Variants in IL1RAPL1 observed in about 807,000 individuals in gnomAD.
The protein encoded by IL1RAPL1 is interleukin-1 receptor accessory protein-like 1.
IL1RAPL1 carries 3 observed loss-of-function variants against 48.4 expected under a neutral mutation model. The ratio of observed to expected loss-of-function variants is 0.06; its 90% CI spans 0.03 to 0.16. The LOEUF (loss-of-function observed/expected upper bound fraction) is 0.16, where lower values mean the gene tolerates loss of function less well. Ranked by LOEUF, IL1RAPL1 falls within the 10% of genes least tolerant of loss-of-function variation. IL1RAPL1 has a pLI of 1.00. For missense variants in IL1RAPL1, 349 were observed against 530.6 expected, an observed-to-expected ratio of 0.66 and a Z score of 3.36; for synonymous variants, 185 against 187.7, an observed-to-expected ratio of 0.99 and a Z score of 0.12.
chrX:28,907,254 A>T (rs1923242242), intron 2 of IL1RAPL1, among the ~76,000 whole-genome samples: 1 of 110,826 alleles, frequency 9.0e-6, no homozygotes, highest in South Asian at 3.8e-4. Context: ...TATTATTTTT[A>T]TTTTTATTAG....
chrX:28,854,628 A>C (rs761186549), intron 2 of IL1RAPL1, among the ~76,000 whole-genome samples: 1 of 111,512 alleles, frequency 9.0e-6, no homozygotes, highest in East Asian at 2.8e-4. Flanking sequence ...CACACCAGTA[A>C]TGTGTGGAGT....
chrX:29,312,044 CAG>C (rs994268027), intron 3 of IL1RAPL1, among the ~76,000 whole-genome samples: 3 of 111,770 alleles, frequency 2.7e-5, no homozygotes, highest in Non-Finnish European at 5.6e-5. Flanking sequence ...CTAAGAAACA[CAG>C]AGGACTGTGG....
Position 29,032,743 on chromosome X carries a change from GCACA to G in IL1RAPL1, c.82+243343_82+243346del, listed in dbSNP as rs34159057. Reference sequence around the variant, plus strand: ...CATGAGCGTGCGCTCACGTGGGCATGCACACACACACACACACACACACACACAT... The same window carrying G: ...CATGAGCGTGCGCTCACGTGGGCATGCACACACACACACACACACACACAT... On this transcript the variant is annotated intron_variant, in intron 2 of 10. Transcript: ENST00000378993. 3.6e-3 allele frequency among the ~76,000 whole-genome samples: 380 copies of G among 105,301 alleles called. 1 individual carries two copies. Among genetic ancestry groups the G allele is most frequent in the Middle Eastern group, 9.6e-3 (2 of 208 alleles). The allele number at this position is 105,301 out of a possible 115,157, so 91.4% of individuals were successfully genotyped here.
rs192664194 is a variant in IL1RAPL1 at position 28,927,544 on chromosome X, G to C, written c.82+138119G>C. Among the ~76,000 whole-genome samples, 488 of 110,110 alleles carry C rather than the reference G, an allele frequency of 4.4e-3. 1 individual carries two copies. The highest frequency in any genetic ancestry group is 0.015 in the African/African-American group (466 of 30,346). On this transcript the variant is annotated intron_variant, in intron 2 of 10. Coordinates refer to ENST00000378993, the MANE Select transcript of IL1RAPL1 (RefSeq NM_014271.4). ...ACTTTTTATTGCAATTATTTACCTC[G>C]TATTCTCTTTTCAAATTAGTTCATC...
In IL1RAPL1 at chrX:28,940,279, T is replaced by C. The variant is rs186520880; in HGVS notation, c.82+150854T>C. Reference sequence around the variant, plus strand: ...AGGTAAAATGAGAAACAGTAAATTATTGTGAAGTTTAGTAATAAGAGCAAA... The same window carrying C: ...AGGTAAAATGAGAAACAGTAAATTACTGTGAAGTTTAGTAATAAGAGCAAA... On this transcript the variant is annotated intron_variant, in intron 2 of 10. Coordinates refer to ENST00000378993, the MANE Select transcript of IL1RAPL1 (RefSeq NM_014271.4). Among the ~76,000 whole-genome samples, 361 of 111,187 alleles carry C rather than the reference T, an allele frequency of 3.2e-3. 3 individuals are homozygous for C. The highest frequency in any genetic ancestry group is 0.011 in the African/African-American group (339 of 30,793).
intron 2 of IL1RAPL1, among the ~76,000 whole-genome samples, chrX:28,991,133 G>A (rs5943584): frequency 0.35 from 38,473 of 110,470 alleles, 4,891 homozygotes; most frequent in Admixed American, 0.44. Context: ...AATTTGTTAT[G>A]GAGTCTTTTA....
intron 6 of IL1RAPL1, among the ~76,000 whole-genome samples, chrX:29,677,029 G>A (rs1166704373): frequency 1.8e-5 from 2 of 111,796 alleles, no homozygotes; most frequent in Admixed American, 9.5e-5. Flanking sequence ...TATTGAAAGA[G>A]GTTTTAGAAT....
intron 5 of IL1RAPL1, among the ~76,000 whole-genome samples, chrX:29,427,367 C>T (rs755479255): frequency 1.1e-4 from 12 of 112,653 alleles, no homozygotes; most frequent in Non-Finnish European, 2.1e-4. Context: ...AGCCAATACA[C>T]TGAGACAGCA....
chrX:28,894,919 G>A (rs1315577902), intron 2 of IL1RAPL1, among the ~76,000 whole-genome samples: 1 of 110,536 alleles, frequency 9.0e-6, no homozygotes, highest in Non-Finnish European at 1.9e-5. Context: ...GAATTATGCC[G>A]AGATAGGTAA....
chrX:29,937,273 C>A lies in IL1RAPL1; in HGVS notation c.1058-4378C>A, dbSNP rs72625546. Among the ~76,000 whole-genome samples, 12 of 112,172 alleles carry A rather than the reference C, an allele frequency of 1.1e-4. No homozygotes were observed. In the East Asian group the frequency reaches 3.1e-3, roughly 29 times the overall value. ...ATGTTGAATTGTGCTGAAATGATAT[C>A]TTTTTATTTTTTAAATGCTGCCACT... On this transcript the variant is annotated intron_variant, in intron 8 of 10. Coordinates refer to ENST00000378993, the MANE Select transcript of IL1RAPL1 (RefSeq NM_014271.4).
intron 5 of IL1RAPL1, among the ~76,000 whole-genome samples, chrX:29,553,022 C>CT (rs1225979384): frequency 9.1e-6 from 1 of 110,461 alleles, no homozygotes; most frequent in Non-Finnish European, 1.9e-5. Context: ...ATCTTGCCTA[C>CT]TTTTTCCTAT....
At chrX:29,545,695 A>G (rs1004698110) in intron 5 of IL1RAPL1, among the ~76,000 whole-genome samples, 7 of 112,057 alleles carry the variant, frequency 6.2e-5, no homozygotes, top group African/African-American at 1.9e-4. Context: ...GCAGTATTCC[A>G]TTGTATGTAC....
intron 5 of IL1RAPL1, among the ~76,000 whole-genome samples, chrX:29,442,364 G>T (rs963428692): frequency 9.1e-6 from 1 of 109,654 alleles, no homozygotes; most frequent in Middle Eastern, 4.5e-3. Context: ...AGAGTGGGAG[G>T]GGGGTGAGGG....
At chrX:29,339,881 A>G (rs929779205) in intron 3 of IL1RAPL1, among the ~76,000 whole-genome samples, 9 of 111,774 alleles carry the variant, frequency 8.1e-5, no homozygotes, top group African/African-American at 2.6e-4. Context: ...AAGAGTACTC[A>G]CTAGGTATTT....
At chrX:28,709,189 A>C (rs1415242218) in intron 1 of IL1RAPL1, among the ~76,000 whole-genome samples, 1 of 112,522 alleles carries the variant, frequency 8.9e-6, no homozygotes. Flanking sequence ...GATTAAAAAA[A>C]GTCTGTGAGG....
At chrX:29,905,445 A>G (rs887123777) in intron 6 of IL1RAPL1, among the ~76,000 whole-genome samples, 2 of 111,503 alleles carry the variant, frequency 1.8e-5, no homozygotes, top group Non-Finnish European at 3.8e-5. Flanking sequence ...GCCCATGCCT[A>G]TGTCCTGAAT....
intron 5 of IL1RAPL1, among the ~76,000 whole-genome samples, chrX:29,612,040 G>A (rs1924112609): frequency 9.0e-6 from 1 of 111,074 alleles, no homozygotes; most frequent in Non-Finnish European, 1.9e-5. Context: ...GGATAGGGGG[G>A]CATAGTAGGA....
rs1170998446 is a variant in IL1RAPL1 at position 29,163,418 on chromosome X, C to A, written c.83-119520C>A. On this transcript the variant is annotated intron_variant, in intron 2 of 10. Coordinates refer to ENST00000378993, the MANE Select transcript of IL1RAPL1 (RefSeq NM_014271.4). ...GTGTCAAGGCTTTAAAGGACTTTCTCATCTAAAATGAGGAGTTTGTGCTTA... is the reference window on the plus strand; with the variant it reads ...GTGTCAAGGCTTTAAAGGACTTTCTAATCTAAAATGAGGAGTTTGTGCTTA... Among the ~76,000 whole-genome samples the A allele has an allele frequency of 6.3e-5, 7 of 111,742 alleles. No individual in the cohort carries two copies. In the Admixed American group the frequency reaches 6.7e-4, roughly 11 times the overall value.
intron 1 of IL1RAPL1, among the ~76,000 whole-genome samples, chrX:28,692,618 A>T (rs957708330): frequency 8.0e-5 from 9 of 112,032 alleles, no homozygotes; most frequent in African/African-American, 2.9e-4. Context: ...AAGTAATTAT[A>T]GATTTTAATA....
Sources: gnomAD v4.1 joint callset for allele counts (sites outside exome capture counted in the v4.1 genomes callset) on GRCh38, gnomAD v4.1.1 for gene constraint, MANE v1.5 for transcripts, NCBI Gene and HGNC (gene_info 2026-07-23, HGNC 2026-07-21) for gene names.